ZNF157: variants seen among roughly 807,000 people sequenced by gnomAD.
ZNF157 encodes the protein zinc finger protein 157.
Under a neutral mutation model 9.4 loss-of-function variants are expected in ZNF157, and 8 were observed. The ratio of observed to expected loss-of-function variants is 0.85; its 90% confidence interval spans 0.50 to 1.53. The LOEUF (loss-of-function observed/expected upper bound fraction) is 1.53, where lower values mean the gene tolerates loss of function less well. ZNF157 is among the 40% of genes most tolerant of loss of function. ZNF157 has a pLI of 0.00. For missense variants in ZNF157, 316 were observed against 385.2 expected (o/e 0.82, Z 1.50); for synonymous variants, 120 against 130.8 (o/e 0.92, Z 0.56).
intron 1 of ZNF157, among the ~76,000 whole-genome samples, chrX:47,404,806 A>T (rs1457503187): frequency 1.8e-5 from 2 of 108,953 alleles, no homozygotes. Context: ...ATTTTTTTAA[A>T]TTTTTTTTTG....
chrX:47,379,413 ATT>A (rs780089057), intron 1 of ZNF157, among the ~76,000 whole-genome samples: 18 of 94,068 alleles, frequency 1.9e-4, no homozygotes, highest in African/African-American at 3.6e-4. Flanking sequence ...TTTTGAGTTA[ATT>A]TTTTTTTTTT....
chrX:47,372,494 C>CTT (rs35123428), intron 1 of ZNF157, among the ~76,000 whole-genome samples: 991 of 85,794 alleles, frequency 0.012, 35 homozygotes, highest in African/African-American at 0.041. Flanking sequence ...TATTTGTATT[C>CTT]TTTTTTTTTT....
At position 47,413,445 on chromosome X, in the gene ZNF157, A is replaced by G. The variant is rs769442209; in HGVS notation, c.1372A>G (p.Ile458Val). Residue 458 changes from isoleucine to valine, a missense_variant, in exon 4 of 4, where the codon ATT (isoleucine) becomes GTT (valine). Transcript: ENST00000377073. ...GNAFYVKVRLIEHQRIHTGER... is the reference protein window; with the variant it reads ...GNAFYVKVRLVEHQRIHTGER... ...TGCCTTCTATGTGAAAGTACGCCTCATTGAACATCAGCGAATTCACACAGG... is the reference window on the plus strand; with the variant it reads ...TGCCTTCTATGTGAAAGTACGCCTCGTTGAACATCAGCGAATTCACACAGG... 8.3e-6 allele frequency: 10 copies of G among 1,210,203 alleles called. No homozygotes were observed. The Admixed American group carries it at 1.3e-4, about 16-fold the overall frequency.
Position 47,410,291 on chromosome X carries a change from G to A in ZNF157, c.88G>A (p.Glu30Lys). Residue 30 changes from glutamate to lysine, a missense_variant, in exon 2 of 4, where the codon GAG (glutamate) becomes AAG (lysine). Physicochemically the swap from Glu to Lys is moderately conservative, Grantham distance 56. Transcript: ENST00000377073. ...GRSFEGSVSFEDVAVDFTRQE... is the reference protein window; with the variant it reads ...GRSFEGSVSFKDVAVDFTRQE... Reference sequence around the variant, plus strand: ...GTTATTACAGGGGTCCGTGTCATTCGAGGATGTGGCTGTGGATTTCACCCG... The same window carrying A: ...GTTATTACAGGGGTCCGTGTCATTCAAGGATGTGGCTGTGGATTTCACCCG... 4 of 1,211,299 alleles carry A rather than the reference G, an allele frequency of 3.3e-6. No homozygotes were observed. Among genetic ancestry groups the A allele is most frequent in the South Asian group, 1.8e-5 (1 of 56,961 alleles).
chrX:47,383,371 CAAAAAAAAAAAAA>C (rs35133137), intron 1 of ZNF157, among the ~76,000 whole-genome samples: 5,659 of 18,825 alleles, frequency 0.3, 719 homozygotes, highest in African/African-American at 0.52. Flanking sequence ...GACTCAGTCT[CAAAAAAAAAAAAA>C]AAAAAAAAAA....
intron 1 of ZNF157, among the ~76,000 whole-genome samples, chrX:47,394,442 C>A (rs1302934323): frequency 8.9e-6 from 1 of 111,975 alleles, no homozygotes; most frequent in Admixed American, 9.6e-5. Context: ...TTAACAGTTT[C>A]TTACTCAATG....
At position 47,405,539 on chromosome X, in the gene ZNF157, A is replaced by G. The variant is rs752721681; in HGVS notation, c.73-4737A>G. ...CCACATCAGGAACATGTGCAAGTTT[A>G]TTAGGCATTTGGTAAATTTTTGTCC... On this transcript the variant is annotated intron_variant, in intron 1 of 3. Transcript: ENST00000377073. 2.7e-5 allele frequency among the ~76,000 whole-genome samples: 3 copies of G among 112,163 alleles called. No homozygotes were observed. In the South Asian group the frequency reaches 1.1e-3, roughly 42 times the overall value.
At chrX:47,404,166 T>C (rs2055939687) in intron 1 of ZNF157, among the ~76,000 whole-genome samples, 1 of 109,060 alleles carries the variant, frequency 9.2e-6, no homozygotes, top group African/African-American at 3.3e-5. Context: ...CCAGACTGTT[T>C]GTTTGTTTGT....
chrX:47,376,801 A>G (rs1273576153), intron 1 of ZNF157, among the ~76,000 whole-genome samples: 1 of 111,545 alleles, frequency 9.0e-6, no homozygotes, highest in Non-Finnish European at 1.9e-5. Flanking sequence ...CAAACCTCCG[A>G]GCTGTCCTTG....
chrX:47,414,147 G>T lies in ZNF157; in HGVS notation c.*553G>T, dbSNP rs1422014743. On this transcript the variant is annotated 3_prime_UTR_variant, in exon 4 of 4. Coordinates refer to ENST00000377073, the MANE Select transcript of ZNF157 (RefSeq NM_003446.4). The stretch of plus-strand genomic sequence containing the variant: ...CTGCCTCAGTCTCCCAAGTAGCTGG[G>T]ATTACAGGTGTGCACCACCATGCCT... 1.8e-5 allele frequency: 2 copies of T among 110,124 alleles called. No individual in the cohort carries two copies. Among genetic ancestry groups the T allele is most frequent in the African/African-American group, 6.6e-5 (2 of 30,322 alleles). 9.1% of individuals were successfully genotyped at this position (110,124 alleles called of 1,213,427 possible).
Position 47,400,185 on chromosome X carries a change from C to T in ZNF157, c.73-10091C>T, listed in dbSNP as rs773347271. The stretch of plus-strand genomic sequence containing the variant: ...CTAATTTTTATATTTTTAGTAGAGA[C>T]GGTGTTTCATCATGTTGGTCAGGCT... On this transcript the variant is annotated intron_variant, in intron 1 of 3. Transcript: ENST00000377073. Among the ~76,000 whole-genome samples, 41 of 109,771 alleles carry T rather than the reference C, an allele frequency of 3.7e-4. No homozygotes were observed. In the East Asian group the frequency reaches 6.6e-3, roughly 18 times the overall value.
At chrX:47,398,678 G>C (rs758747286) in intron 1 of ZNF157, among the ~76,000 whole-genome samples, 1 of 105,329 alleles carries the variant, frequency 9.5e-6, no homozygotes, top group Non-Finnish European at 2.0e-5. Context: ...CAGCTAATTT[G>C]TGTGTGTGTG....
intron 1 of ZNF157, among the ~76,000 whole-genome samples, chrX:47,374,493 G>A (rs917059538): frequency 7.0e-5 from 7 of 100,343 alleles, no homozygotes; most frequent in African/African-American, 2.2e-4. Flanking sequence ...CTGCCTCCCC[G>A]GCCCAAGCGA....
chrX:47,372,748 C>T (rs1251111797), intron 1 of ZNF157, among the ~76,000 whole-genome samples: 1 of 109,618 alleles, frequency 9.1e-6, no homozygotes, highest in Non-Finnish European at 1.9e-5. Context: ...CCTGCCTTGG[C>T]CTCCAAAAGT....
intron 1 of ZNF157, among the ~76,000 whole-genome samples, chrX:47,373,705 G>GT (rs772657775): frequency 0.031 from 2,880 of 94,326 alleles, 131 homozygotes; most frequent in African/African-American, 0.098. Flanking sequence ...ATTTCCCTGA[G>GT]TTTTTTTTTT....
intron 1 of ZNF157, among the ~76,000 whole-genome samples, chrX:47,378,126 GTT>G (rs778781635): frequency 1.8e-5 from 2 of 110,840 alleles, no homozygotes; most frequent in Non-Finnish European, 3.8e-5. Context: ...GGGGATCGGA[GTT>G]TTTAACGATA....
At chrX:47,404,310 G>A (rs775266855) in intron 1 of ZNF157, among the ~76,000 whole-genome samples, 8 of 108,049 alleles carry the variant, frequency 7.4e-5, no homozygotes, top group East Asian at 3.0e-4. Context: ...GATTACAGGC[G>A]CGCACCACCA....
chrX:47,412,418 C>T lies in ZNF157; in HGVS notation c.345C>T (p.Leu115=), dbSNP rs1448450675. The change falls in exon 4 of 4, where the codon CTC becomes CTT. Residue 115 remains leucine (L), a synonymous_variant. Transcript: ENST00000377073. ...CGNGSVGDNA[L]RHDNDLLHHQ... ...ATGGTTCTGTTGGGGATAATGCCCT[C>T]AGGCATGATAATGACCTTCTTCACC... 1.7e-6 allele frequency: 2 copies of T among 1,210,545 alleles called. No homozygotes were observed. The highest frequency in any genetic ancestry group is 2.2e-6 in the Non-Finnish European group (2 of 894,365).
At chrX:47,411,627 C>T (rs895637873) in intron 3 of ZNF157, among the ~76,000 whole-genome samples, 1 of 110,334 alleles carries the variant, frequency 9.1e-6, no homozygotes, top group African/African-American at 3.3e-5. Flanking sequence ...CATGGCCTCC[C>T]GAAGTGCTAG....
Sources: gnomAD v4.1 joint callset for allele counts (sites outside exome capture counted in the v4.1 genomes callset) on GRCh38, gnomAD v4.1.1 for gene constraint, MANE v1.5 for transcripts, NCBI Gene and HGNC (gene_info 2026-07-23, HGNC 2026-07-21) for gene names.